Variants in KBTBD2 observed in about 807,000 individuals in gnomAD.
KBTBD2 encodes the protein kelch repeat and BTB domain containing 2, also known as kelch repeat and BTB domain-containing protein 2.
In KBTBD2, 17 loss-of-function variants were observed where a neutral mutation model predicts 57.1. That is an observed-to-expected ratio of 0.30 (90% CI 0.20 to 0.45). The LOEUF (loss-of-function observed/expected upper bound fraction) is 0.45. KBTBD2 is among the 20% of genes least tolerant of loss of function. KBTBD2 has a pLI of 1.00. For synonymous variants in KBTBD2, 267 were observed against 262.7 expected (o/e 1.02, Z -0.16); for missense variants, 515 against 750.6 (o/e 0.69, Z 3.67).
upstream of KBTBD2, chr7:32,892,027 G>T (rs1406966291): frequency 6.7e-6 from 1 of 150,166 alleles, no homozygotes; most frequent in Non-Finnish European, 1.5e-5. Flanking sequence ...CGCGCCTGTC[G>T]GCACCAGCGG....
rs761112434 is a variant in KBTBD2 at position 32,868,586 on chromosome 7, T to C, written c.*759A>G. Reference sequence around the variant, plus strand: ...AGATAGTTATATGCATGAGCCAATGTTAACATAATACAGAAAGTGGAGGCT... The same window carrying C: ...AGATAGTTATATGCATGAGCCAATGCTAACATAATACAGAAAGTGGAGGCT... On this transcript the variant is annotated 3_prime_UTR_variant, in exon 4 of 4. Transcript: ENST00000304056. 3.9e-5 allele frequency: 6 copies of C among 152,622 alleles called. No homozygotes were observed. The highest frequency in any genetic ancestry group is 7.2e-5 in the African/African-American group (3 of 41,452). The allele number at this position is 152,622 out of a possible 1,614,324, so 9.5% of individuals were successfully genotyped here.
chr7:32,885,497 C>T (rs1050353314), intron 1 of KBTBD2, among the ~76,000 whole-genome samples: 7 of 151,140 alleles, frequency 4.6e-5, no homozygotes, highest in Admixed American at 1.3e-4. Flanking sequence ...AGACATCTCT[C>T]CCCAAGATAA....
At position 32,875,162 on chromosome 7, in the gene KBTBD2, A is replaced by C. The variant is rs372734831; in HGVS notation, c.171-5T>G. On this transcript the variant is annotated splice_polypyrimidine_tract_variant and splice_region_variant and intron_variant, in intron 2 of 3. Transcript: ENST00000304056. ...AGTCCACTCATAAACATGGCCCTAC[A>C]GGGGAGATGAAGAAAACAAAGTTGT... 6.2e-7 allele frequency: 1 copy of C among 1,611,960 alleles called. No homozygotes were observed. The highest frequency in any genetic ancestry group is 1.3e-5 in the African/African-American group (1 of 74,800).
intron 2 of KBTBD2, among the ~76,000 whole-genome samples, chr7:32,879,233 T>C (rs769935762): frequency 1.4e-4 from 22 of 152,328 alleles, no homozygotes; most frequent in Non-Finnish European, 2.4e-4. Flanking sequence ...CCTTAGTTAA[T>C]TGCAACACAT....
intron 1 of KBTBD2, among the ~76,000 whole-genome samples, chr7:32,890,029 ATAAGT>A (rs1042810082): frequency 3.9e-5 from 6 of 152,236 alleles, no homozygotes; most frequent in African/African-American, 1.2e-4. Context: ...TGTGAATAAC[ATAAGT>A]TAACATTTTA....
At position 32,870,433 on chromosome 7, in the gene KBTBD2, C is replaced by G; in HGVS notation, c.784G>C (p.Gly262Arg). 6.2e-7 allele frequency: 1 copy of G among 1,613,880 alleles called. No individual in the cohort carries two copies. ...SMPKFFKPRL[G>R]MTKEEMMIFI... ...ATCATCATTTCCTCTTTAGTCATCCCAAGTCTTGGTTTGAAAAACTTGGGC... is the reference window on the plus strand; with the variant it reads ...ATCATCATTTCCTCTTTAGTCATCCGAAGTCTTGGTTTGAAAAACTTGGGC... The change falls in exon 4 of 4, where the codon GGG becomes CGG. Residue 262 changes from glycine (G) to arginine (R), a missense_variant. By Grantham distance (125) the Gly-to-Arg change is moderately radical. Transcript: ENST00000304056.
intron 3 of KBTBD2, among the ~76,000 whole-genome samples, chr7:32,873,702 C>A (rs1784237923): frequency 6.6e-6 from 1 of 152,116 alleles, no homozygotes; most frequent in Non-Finnish European, 1.5e-5. Flanking sequence ...CCAGTGCACT[C>A]CAGCCTGGGC....
rs957949839 is a variant in KBTBD2, at chr7:32,868,582, A to G, written c.*763T>C. ...CAGCAGATAGTTATATGCATGAGCC[A>G]ATGTTAACATAATACAGAAAGTGGA... On this transcript the variant is annotated 3_prime_UTR_variant, in exon 4 of 4. Coordinates refer to ENST00000304056, the MANE Select transcript of KBTBD2 (RefSeq NM_015483.3). 2.6e-5 allele frequency: 4 copies of G among 152,644 alleles called. No homozygotes were observed. The highest frequency in any genetic ancestry group is 5.9e-5 in the Non-Finnish European group (4 of 68,044). 9.5% of individuals were successfully genotyped at this position (152,644 alleles called of 1,614,324 possible).
intron 1 of KBTBD2, among the ~76,000 whole-genome samples, chr7:32,884,390 TAAA>T (rs11363525): frequency 4.8e-5 from 6 of 125,794 alleles, no homozygotes; most frequent in African/African-American, 5.7e-5. Context: ...ATTTTTAATT[TAAA>T]AAAAAAAAAA....
intron 3 of KBTBD2, 42 bp downstream of exon 3, chr7:32,874,950 A>C (rs1287098979): frequency 1.3e-6 from 2 of 1,575,052 alleles, no homozygotes; most frequent in Non-Finnish European, 1.7e-6. Flanking sequence ...CAGCCTGGGC[A>C]ACAGAGAGAG....
At chr7:32,885,463 A>C (rs1245406905) in intron 1 of KBTBD2, among the ~76,000 whole-genome samples, 3 of 116,064 alleles carry the variant, frequency 2.6e-5, no homozygotes, top group Admixed American at 7.9e-5. Context: ...GAGTACCTTT[A>C]ATTAAGGTTA....
At chr7:32,888,458 G>A (rs1290295167) in intron 1 of KBTBD2, among the ~76,000 whole-genome samples, 1 of 151,902 alleles carries the variant, frequency 6.6e-6, no homozygotes, top group Non-Finnish European at 1.5e-5. Context: ...CGACAGTTGA[G>A]AATGTCTGGA....
chr7:32,868,592 T>C lies in KBTBD2; in HGVS notation c.*753A>G, dbSNP rs191343562. 5 of 152,742 alleles carry C rather than the reference T, an allele frequency of 3.3e-5. No individual in the cohort carries two copies. Among genetic ancestry groups the C allele is most frequent in the African/African-American group, 1.2e-4 (5 of 41,572 alleles). The allele number at this position is 152,742 out of a possible 1,614,324, so 9.5% of individuals were successfully genotyped here. A position where few individuals can be genotyped will look rare whatever the true frequency, so the allele number is the denominator to read the frequency against. The stretch of plus-strand genomic sequence containing the variant: ...TTATATGCATGAGCCAATGTTAACA[T>C]AATACAGAAAGTGGAGGCTTTTTCT... On this transcript the variant is annotated 3_prime_UTR_variant, in exon 4 of 4. Transcript: ENST00000304056.
chr7:32,882,541 T>C (rs1784470618), intron 1 of KBTBD2, among the ~76,000 whole-genome samples: 1 of 152,218 alleles, frequency 6.6e-6, no homozygotes, highest in Non-Finnish European at 1.5e-5. Flanking sequence ...AACACAGCTT[T>C]ATTAGATTCC....
intron 3 of KBTBD2, among the ~76,000 whole-genome samples, chr7:32,874,317 A>G (rs1288460615): frequency 1.3e-5 from 2 of 151,862 alleles, no homozygotes; most frequent in African/African-American, 4.8e-5. Flanking sequence ...GGAGAATGGC[A>G]TGAACCCAGA....
At chr7:32,890,712 T>C (rs540432815) in intron 1 of KBTBD2, among the ~76,000 whole-genome samples, 1 of 152,300 alleles carries the variant, frequency 6.6e-6, no homozygotes, top group South Asian at 2.1e-4. Context: ...ACACACCCTT[T>C]TAAAGTTCAT....
chr7:32,876,578 A>T (rs1323559017), intron 2 of KBTBD2, among the ~76,000 whole-genome samples: 1 of 152,224 alleles, frequency 6.6e-6, no homozygotes, highest in African/African-American at 2.4e-5. Flanking sequence ...TAAAGGCTAG[A>T]GACAGGAAAA....
chr7:32,883,145 C>A (rs1784484423), intron 1 of KBTBD2, among the ~76,000 whole-genome samples: 1 of 151,930 alleles, frequency 6.6e-6, no homozygotes, highest in African/African-American at 2.4e-5. Context: ...CCTAGGAGGG[C>A]AGATCACTTG....
At chr7:32,873,661 G>C (rs1467102263) in intron 3 of KBTBD2, among the ~76,000 whole-genome samples, 1 of 152,168 alleles carries the variant, frequency 6.6e-6, no homozygotes, top group African/African-American at 2.4e-5. Flanking sequence ...TTGAACCCAG[G>C]AGGCAGAGGT....
Sources: allele counts gnomAD v4.1 joint callset (sites outside exome capture counted in the v4.1 genomes callset), GRCh38; gene constraint gnomAD v4.1.1; transcripts MANE v1.5; gene names NCBI Gene and HGNC (gene_info 2026-07-23, HGNC 2026-07-21).